Variants in SRBD1 observed in about 807,000 individuals in gnomAD.
The protein encoded by SRBD1 is S1 RNA binding domain 1, also known as S1 RNA-binding domain-containing protein 1.
In SRBD1, 88 loss-of-function variants were observed where a neutral mutation model predicts 115.3. The observed-to-expected ratio is 0.76, with a 90% CI of 0.64 to 0.91. The LOEUF (loss-of-function observed/expected upper bound fraction) is 0.91, where lower values mean the gene tolerates loss of function less well. Among genes scored for constraint, SRBD1 ranks in the 40% least tolerant of loss-of-function variants. The pLI, the probability that SRBD1 is intolerant of heterozygous loss-of-function variation, is 0.00. For missense variants in SRBD1, 1,385 were observed against 1,177.4 expected (o/e 1.18, Z -2.58); for synonymous variants, 509 against 407.7 (o/e 1.25, Z -2.99).
At chr2:45,580,673 CTT>C (rs1673330231) in intron 6 of SRBD1, among the ~76,000 whole-genome samples, 1 of 108,118 alleles carries the variant, frequency 9.2e-6, no homozygotes, top group African/African-American at 3.8e-5. Context: ...AATTCTTCTA[CTT>C]CTTTTTTTTT....
At chr2:45,469,720 T>C (rs1669591489) in intron 16 of SRBD1, among the ~76,000 whole-genome samples, 2 of 152,156 alleles carry the variant, frequency 1.3e-5, no homozygotes, top group African/African-American at 4.8e-5. Flanking sequence ...AACACATGAG[T>C]TGGGTTCATA....
At chr2:45,472,956 G>GT (rs5830862) in intron 16 of SRBD1, among the ~76,000 whole-genome samples, 72,799 of 147,942 alleles carry the variant, frequency 0.49, 19,004 homozygotes, top group Non-Finnish European at 0.61. Context: ...TATCAAGGTT[G>GT]TTTTTTTTTT....
At chr2:45,455,911 A>T (rs1377555408) in intron 16 of SRBD1, among the ~76,000 whole-genome samples, 1 of 151,904 alleles carries the variant, frequency 6.6e-6, no homozygotes, top group Non-Finnish European at 1.5e-5. Context: ...TTTATAAAAT[A>T]AGCCCCACTT....
intron 19 of SRBD1, among the ~76,000 whole-genome samples, chr2:45,406,402 A>G (rs575112519): frequency 1.3e-5 from 2 of 152,334 alleles, no homozygotes; most frequent in East Asian, 3.9e-4. Flanking sequence ...ATGGCTTCAA[A>G]GAACTATTGA....
chr2:45,525,040 G>C (rs1671399629), intron 14 of SRBD1, among the ~76,000 whole-genome samples: 1 of 151,902 alleles, frequency 6.6e-6, no homozygotes, highest in African/African-American at 2.4e-5. Context: ...AATGGGTAAA[G>C]AACAGTCTTT....
At chr2:45,573,525 G>T (rs980908097) in intron 8 of SRBD1, among the ~76,000 whole-genome samples, 183 bp from the exon 9 acceptor site, 2 of 151,938 alleles carry the variant, frequency 1.3e-5, no homozygotes, top group Non-Finnish European at 2.9e-5. Flanking sequence ...ATTCATACTA[G>T]CATAGTCCTC....
At chr2:45,474,246 A>G (rs1008680241) in intron 16 of SRBD1, among the ~76,000 whole-genome samples, 4 of 152,114 alleles carry the variant, frequency 2.6e-5, no homozygotes. Flanking sequence ...TTGTTTATTA[A>G]GTTTGGTGCC....
At chr2:45,521,066 C>T (rs1671266875) in intron 14 of SRBD1, among the ~76,000 whole-genome samples, 1 of 152,112 alleles carries the variant, frequency 6.6e-6, no homozygotes, top group South Asian at 2.1e-4. Flanking sequence ...ACTGTCTGTC[C>T]GCATGCTCCC....
At chr2:45,537,071 ACTAAAT>A (rs2103998747) in intron 14 of SRBD1, among the ~76,000 whole-genome samples, 1 of 152,318 alleles carries the variant, frequency 6.6e-6, no homozygotes, top group Admixed American at 6.5e-5. Flanking sequence ...GTTAAGACGC[ACTAAAT>A]GGACTTCACA....
At chr2:45,405,147 GTTGTATACT>G (rs1365093797) in intron 19 of SRBD1, among the ~76,000 whole-genome samples, 1 of 152,024 alleles carries the variant, frequency 6.6e-6, no homozygotes, top group Non-Finnish European at 1.5e-5. Context: ...TATTATGCTG[GTTGTATACT>G]GTGTCTCTTT....
At position 45,571,517 on chromosome 2, in the gene SRBD1, C is replaced by CAAAAAAAAAAAAAAAAA. The variant is rs58100763; in HGVS notation, c.1305+1673_1305+1689dup. ...AAAATACAACATATCCAGACTTTAC[C>CAAAAAAAAAAAAAAAAA]AAAAAAAAAAAAAAAAAAAAAAAAA... On this transcript the variant is annotated intron_variant, in intron 9 of 20. Transcript: ENST00000263736. 7.9e-4 allele frequency among the ~76,000 whole-genome samples: 31 copies of CAAAAAAAAAAAAAAAAA among 39,406 alleles called. 1 individual carries two copies. Among genetic ancestry groups the CAAAAAAAAAAAAAAAAA allele is most frequent in the East Asian group, 7.5e-3 (8 of 1,068 alleles). The allele number at this position is 39,406 out of a possible 152,430, so 25.9% of individuals were successfully genotyped here.
chr2:45,604,672 C>T (rs977206477), intron 2 of SRBD1, among the ~76,000 whole-genome samples: 2 of 152,192 alleles, frequency 1.3e-5, no homozygotes, highest in African/African-American at 4.8e-5. Flanking sequence ...TCTTTGCAAG[C>T]TGCACCCCCA....
chr2:45,515,784 G>A (rs1304026814), intron 14 of SRBD1, among the ~76,000 whole-genome samples: 1 of 152,176 alleles, frequency 6.6e-6, no homozygotes, highest in Non-Finnish European at 1.5e-5. Context: ...AGACCTGAAA[G>A]ATGATTTAAG....
In SRBD1 at chr2:45,605,356, G is replaced by C. The variant is rs372297081; in HGVS notation, c.80+6C>G. On this transcript the variant is annotated splice_donor_region_variant and intron_variant, in intron 2 of 20. Coordinates refer to ENST00000263736, the MANE Select transcript of SRBD1 (RefSeq NM_018079.5). ...CCCTACCCACATATTAAACCAGTATGCTTACAACTCAGAGAATGAAGAAAA... is the reference window on the plus strand; with the variant it reads ...CCCTACCCACATATTAAACCAGTATCCTTACAACTCAGAGAATGAAGAAAA... 3.9e-5 allele frequency: 63 copies of C among 1,611,378 alleles called. 1 individual carries two copies. The African/African-American group carries it at 7.2e-4, about 18-fold the overall frequency.
At chr2:45,454,456 A>T (rs1170125822) in intron 16 of SRBD1, among the ~76,000 whole-genome samples, 1 of 151,846 alleles carries the variant, frequency 6.6e-6, no homozygotes, top group South Asian at 2.1e-4. Context: ...ATAGTTGTAC[A>T]TTTCTTTAGG....
intron 9 of SRBD1, among the ~76,000 whole-genome samples, chr2:45,570,770 C>CT (rs2104137677): frequency 6.6e-6 from 1 of 152,206 alleles, no homozygotes; most frequent in East Asian, 1.9e-4. Context: ...CAATATGGAC[C>CT]TTATTCTCAA....
chr2:45,435,657 T>C (rs369537233), intron 16 of SRBD1, among the ~76,000 whole-genome samples: 6 of 151,340 alleles, frequency 4.0e-5, no homozygotes, highest in African/African-American at 1.5e-4. Flanking sequence ...TAGGACGTCC[T>C]ACCAATCATA....
chr2:45,420,624 T>A (rs1667968103), intron 16 of SRBD1, among the ~76,000 whole-genome samples: 1 of 152,222 alleles, frequency 6.6e-6, no homozygotes, highest in Non-Finnish European at 1.5e-5. Context: ...CTAAACTGGC[T>A]AAGCTATTCC....
In SRBD1 at chr2:45,389,392, G is replaced by A; in HGVS notation, c.2906C>T (p.Pro969Leu). The change falls in exon 21 of 21, where the codon CCC becomes CTC. Residue 969 changes from proline to leucine, a missense_variant. By Grantham distance (98) the Pro-to-Leu change is moderately conservative (BLOSUM62 -3). Coordinates refer to ENST00000263736, the MANE Select transcript of SRBD1 (RefSeq NM_018079.5). ...TACTTGGACTTCCACTCTTTCTCCG[G>A]GGCCCAGTCCAAGGCTTCTTCTCTT... ...TKKRRSLGLG[P>L]GERVEVQVLN... The A allele has an allele frequency of 6.2e-7, 1 of 1,613,978 alleles. No homozygotes were observed. Among genetic ancestry groups the A allele is most frequent in the Non-Finnish European group, 8.5e-7 (1 of 1,179,940 alleles).
Sources: gnomAD v4.1 joint callset for allele counts (sites outside exome capture counted in the v4.1 genomes callset) on GRCh38, gnomAD v4.1.1 for gene constraint, MANE v1.5 for transcripts, NCBI Gene and HGNC (gene_info 2026-07-23, HGNC 2026-07-21) for gene names.